The following GTPBP1 variants were observed in gnomAD, a reference collection of about 807,000 sequenced individuals.
GTPBP1 encodes GTP-binding protein 1.
A neutral mutation model predicts 62.0 loss-of-function variants in GTPBP1; 23 were observed. That is an observed-to-expected ratio of 0.37 (90% confidence interval 0.27 to 0.53). The LOEUF is 0.53. Ranked by LOEUF, GTPBP1 falls within the 20% of genes least tolerant of loss-of-function variation. The probability of loss-of-function intolerance (pLI) is 0.89; values close to 1 mark genes in which losing one functional copy is unlikely to be tolerated. For missense variants in GTPBP1, 640 were observed against 917.3 expected (o/e 0.70, Z 3.90); for synonymous variants, 344 against 364.4 (o/e 0.94, Z 0.64).
intron 10 of GTPBP1, chr22:38,728,374 G>C: frequency 3.6e-6 from 2 of 558,180 alleles, no homozygotes; most frequent in South Asian, 4.4e-5. Context: ...AGAAGGTAGG[G>C]TTAGGGTATG....
intron 4 of GTPBP1, 49 bp downstream of exon 4, chr22:38,717,049 G>A: frequency 8.5e-7 from 1 of 1,177,894 alleles, no homozygotes; most frequent in East Asian, 2.3e-5. Context: ...GGGCTGCTTG[G>A]GTCTGGTTAT....
chr22:38,726,115 G>C lies in GTPBP1; in HGVS notation c.1183G>C (p.Ala395Pro). Residue 395 changes from alanine (A) to proline (P), a missense_variant, in exon 7 of 12, where the codon GCT becomes CCT. Coordinates refer to ENST00000216044, the MANE Select transcript of GTPBP1 (RefSeq NM_004286.5). The surrounding 1 kb of genome is among the most constrained non-coding windows in gnomAD (Gnocchi z 4.1). ...PRTSYREEEPAEFQIDDTYSV... is the reference protein window; with the variant it reads ...PRTSYREEEPPEFQIDDTYSV... ...CACCAGCTACAGGGAGGAGGAGCCT[G>C]CTGAGTTTCAGATTGATGACACCTA... The C allele has an allele frequency of 6.2e-7, 1 of 1,614,072 alleles. No individual in the cohort carries two copies.
downstream of GTPBP1, chr22:38,739,261 C>A: frequency 1.4e-6 from 2 of 1,474,714 alleles, no homozygotes; most frequent in Non-Finnish European, 1.9e-6. The surrounding 1 kb of genome is among the most constrained non-coding windows in gnomAD (Gnocchi z 6.7). Flanking sequence ...TGCTCTGCCC[C>A]ACCACCAACC....
Position 38,721,840 on chromosome 22 carries a change from C to T in GTPBP1, c.933C>T (p.Asp311=), listed in dbSNP as rs1303676209. 1 of 1,607,468 alleles carries T rather than the reference C, an allele frequency of 6.2e-7. No individual in the cohort carries two copies. Residue 311 remains aspartate, a synonymous_variant, in exon 5 of 12, where the codon GAC becomes GAT. Coordinates refer to ENST00000216044, the MANE Select transcript of GTPBP1 (RefSeq NM_004286.5). The part of the protein sequence containing the change: ...VPVFVVVTKI[D]MCPANILQET... The stretch of plus-strand genomic sequence containing the variant: ...TCTTTGTGGTAGTCACCAAGATTGA[C>T]ATGTGTCCTGCCAACATCCTGCAAG...
chr22:38,738,676 G>A (rs141013997), downstream of GTPBP1: 1,383 of 1,613,934 alleles, frequency 8.6e-4, 9 homozygotes, highest in Middle Eastern at 6.8e-3. The surrounding 1 kb of genome is among the most constrained non-coding windows in gnomAD (Gnocchi z 6.6). Flanking sequence ...GCTGTGGGGC[G>A]GATGCGGGCA....
Position 38,724,375 on chromosome 22 carries a change from A to T in GTPBP1, c.1037A>T (p.Asp346Val). 1 of 1,612,812 alleles carries T rather than the reference A, an allele frequency of 6.2e-7. No individual in the cohort carries two copies. The highest frequency in any genetic ancestry group is 8.5e-7 in the Non-Finnish European group (1 of 1,178,858). ...CCCGTGCTGGTGCAGAGCAAAGATG[A>T]TGTGATTGTCACAGCCTCCAACTTC... ...KIPVLVQSKD[D>V]VIVTASNFSS... The change falls in exon 6 of 12, where the codon GAT (aspartate) becomes GTT (valine). Residue 346 changes from aspartate (D) to valine (V), a missense_variant. By Grantham distance (152) the Asp-to-Val change is radical. Around this residue, in one of 4 missense-constraint regions of GTPBP1, gnomAD observed 220 missense variants for 358.1 expected, o/e 0.61. Coordinates refer to ENST00000216044, the MANE Select transcript of GTPBP1 (RefSeq NM_004286.5).
At chr22:38,736,505 T>A, downstream of GTPBP1, 1 of 710,130 alleles carries the variant, frequency 1.4e-6, no homozygotes, top group Non-Finnish European at 2.2e-6. Flanking sequence ...CCTGGGGCTC[T>A]GAAGAGAACC....
downstream of GTPBP1, chr22:38,740,979 G>A (rs561376445): frequency 6.3e-7 from 1 of 1,578,138 alleles, no homozygotes; most frequent in East Asian, 2.3e-5. This position sits in a 1 kb window ranked among gnomAD's most constrained non-coding sequence, Gnocchi z 4.8. Flanking sequence ...GGAGGAGCAG[G>A]CCGAGGCCAG....
Position 38,730,718 on chromosome 22 carries a change from C to T in GTPBP1, c.*14C>T, listed in dbSNP as rs1033705131. On this transcript the variant is annotated 3_prime_UTR_variant, in exon 12 of 12. Coordinates refer to ENST00000216044, the MANE Select transcript of GTPBP1 (RefSeq NM_004286.5). This position sits in a 1 kb window ranked among gnomAD's most constrained non-coding sequence, Gnocchi z 5.6. ...AGCGGCTGCTGAACCTTCCCCTGGC[C>T]CACCCTCACCACCCAAGGGGTCATC... 7.1e-7 allele frequency: 1 copy of T among 1,404,628 alleles called. No homozygotes were observed. The highest frequency in any genetic ancestry group is 1.2e-5 in the South Asian group (1 of 81,132). The allele number at this position is 1,404,628 out of a possible 1,614,324, so 87.0% of individuals were successfully genotyped here. A position where few individuals can be genotyped will look rare whatever the true frequency, so the allele number is the denominator to read the frequency against.
At chr22:38,721,675 C>T (rs1421938764) in intron 4 of GTPBP1, 67 bp from the exon 5 acceptor site, 6 of 1,503,658 alleles carry the variant, frequency 4.0e-6, no homozygotes, top group Non-Finnish European at 5.5e-6. Flanking sequence ...GCTTTTGAGC[C>T]CCTGTGTCCA....
At position 38,726,477 on chromosome 22, in the gene GTPBP1, C is replaced by G; in HGVS notation, c.1401+37C>G. The G allele has an allele frequency of 6.4e-7, 1 of 1,570,080 alleles. No individual in the cohort carries two copies. Among genetic ancestry groups the G allele is most frequent in the Non-Finnish European group, 8.7e-7 (1 of 1,143,874 alleles). On this transcript the variant is annotated intron_variant, in intron 8 of 11. Transcript: ENST00000216044. This position sits in a 1 kb window ranked among gnomAD's most constrained non-coding sequence, Gnocchi z 4.1. The stretch of plus-strand genomic sequence containing the variant: ...TGATACTGAACGCTCCCCTCAGACT[C>G]CATCATGCTAGGCTCTTGGCCAGAT...
chr22:38,711,703 C>T (rs554369829), intron 2 of GTPBP1, among the ~76,000 whole-genome samples: 13 of 151,880 alleles, frequency 8.6e-5, no homozygotes, highest in Non-Finnish European at 1.3e-4. Flanking sequence ...ATTAGTTGGG[C>T]GTGGTGGTGC....
At chr22:38,720,677 T>C (rs1296495942) in intron 4 of GTPBP1, among the ~76,000 whole-genome samples, 1 of 152,254 alleles carries the variant, frequency 6.6e-6, no homozygotes, top group African/African-American at 2.4e-5. Context: ...CTGATTTATG[T>C]AACCAGTCCT....
intron 5 of GTPBP1, chr22:38,723,145 C>A: frequency 1.2e-6 from 1 of 807,500 alleles, no homozygotes; most frequent in South Asian, 1.4e-5. Flanking sequence ...CATGAAATTC[C>A]TTAGCTTTGT....
downstream of GTPBP1, chr22:38,741,645 G>A (rs1258406434): frequency 1.3e-5 from 19 of 1,409,024 alleles, no homozygotes; most frequent in East Asian, 4.4e-4. Flanking sequence ...GGAAGTGGCG[G>A]AACTGGAATT....
chr22:38,714,478 CAAAAAA>C lies in GTPBP1; in HGVS notation c.305-1413_305-1408del, dbSNP rs34257833. The stretch of plus-strand genomic sequence containing the variant: ...TGGGTGACAGAGTGAGACTCCATCT[CAAAAAA>C]AAAAAAAAAAAAAAAGGCCACTGGT... On this transcript the variant is annotated intron_variant, in intron 2 of 11. Transcript: ENST00000216044. 3.9e-4 allele frequency among the ~76,000 whole-genome samples: 18 copies of C among 46,348 alleles called. 1 individual carries two copies. In the South Asian group the frequency reaches 0.014, roughly 35 times the overall value. 30.4% of individuals were successfully genotyped at this position (46,348 alleles called of 152,430 possible).
downstream of GTPBP1, chr22:38,738,448 T>C: frequency 8.0e-7 from 1 of 1,246,442 alleles, no homozygotes; most frequent in Non-Finnish European, 1.1e-6. This position sits in a 1 kb window ranked among gnomAD's most constrained non-coding sequence, Gnocchi z 6.6. Context: ...TGAAGTGCTG[T>C]CTCCCACCCT....
downstream of GTPBP1, chr22:38,734,124 C>T: frequency 3.2e-6 from 1 of 308,560 alleles, no homozygotes; most frequent in South Asian, 2.3e-5. Flanking sequence ...TCCCTACTGA[C>T]TGGCTTTCTG....
At chr22:38,706,390 C>T (rs1378933727) in intron 1 of GTPBP1, 2 of 328,132 alleles carry the variant, frequency 6.1e-6, no homozygotes, top group Non-Finnish European at 1.1e-5. Flanking sequence ...CCCGCCCTCC[C>T]GTCTCCCGCC....
Sources: allele counts gnomAD v4.1 joint callset (sites outside exome capture counted in the v4.1 genomes callset), GRCh38; gene constraint gnomAD v4.1.1; regional missense constraint gnomAD v4.1.1; non-coding constraint Gnocchi (gnomAD v3.1); transcripts MANE v1.5; gene names NCBI Gene and HGNC (gene_info 2026-07-23, HGNC 2026-07-21).